The following EML4 variants were observed in gnomAD, a reference collection of about 807,000 sequenced individuals.
EML4 encodes the protein echinoderm microtubule-associated protein-like 4.
In EML4, 72 loss-of-function variants were observed where a neutral mutation model predicts 129.0. The ratio of observed to expected loss-of-function variants is 0.56; its 90% CI spans 0.46 to 0.68. EML4 has a LOEUF of 0.68. Among genes scored for constraint, EML4 ranks in the 30% least tolerant of loss-of-function variants. The probability of loss-of-function intolerance (pLI) is 0.00; values close to 1 mark genes in which losing one functional copy is unlikely to be tolerated. For missense variants in EML4, 1,363 were observed against 1,190.6 expected (o/e 1.14, Z -2.13); for synonymous variants, 532 against 405.0 (o/e 1.31, Z -3.77).
chr2:42,310,466 C>G (rs1425380347), intron 17 of EML4, among the ~76,000 whole-genome samples: 1 of 152,146 alleles, frequency 6.6e-6, no homozygotes, highest in Non-Finnish European at 1.5e-5. Flanking sequence ...ATGCCTCAAC[C>G]TCCCAGGTAG....
At chr2:42,189,018 G>A (rs1671429073) in intron 1 of EML4, among the ~76,000 whole-genome samples, 1 of 152,080 alleles carries the variant, frequency 6.6e-6, no homozygotes, top group African/African-American at 2.4e-5. Context: ...CCCACTTACA[G>A]CTTTTCTGAG....
intron 1 of EML4, among the ~76,000 whole-genome samples, chr2:42,186,996 A>C (rs1671286777): frequency 8.0e-6 from 1 of 125,364 alleles, no homozygotes; most frequent in Non-Finnish European, 1.6e-5. Context: ...GCAACTGCTG[A>C]TCTGCTTTTT....
intron 19 of EML4, among the ~76,000 whole-genome samples, chr2:42,322,196 G>A (rs1669561756): frequency 6.6e-6 from 1 of 152,180 alleles, no homozygotes. Flanking sequence ...AGTAGAGAAA[G>A]AATAGACTTC....
chr2:42,300,821 C>A (rs1366387365), intron 13 of EML4, among the ~76,000 whole-genome samples: 1 of 152,170 alleles, frequency 6.6e-6, no homozygotes, highest in African/African-American at 2.4e-5. Context: ...TATTAGCTAA[C>A]TATGTGGTAT....
chr2:42,308,056 A>T lies in EML4; in HGVS notation c.1967+3505A>T, dbSNP rs546928024. Among the ~76,000 whole-genome samples, 8 of 152,386 alleles carry T rather than the reference A, an allele frequency of 5.2e-5. No individual in the cohort carries two copies. The East Asian group carries it at 1.5e-3, about 29-fold the overall frequency. ...TAATGATGTCTTCATGTCCAGATCT[A>T]GATATCTTCTACTTCATGTAACTAA... On this transcript the variant is annotated intron_variant, in intron 17 of 22. Transcript: ENST00000318522.
intron 1 of EML4, among the ~76,000 whole-genome samples, chr2:42,183,947 G>T (rs1439516012): frequency 1.3e-5 from 2 of 152,132 alleles, no homozygotes; most frequent in African/African-American, 4.8e-5. Flanking sequence ...TGTACCACCA[G>T]GATGAGGTCA....
intron 1 of EML4, among the ~76,000 whole-genome samples, chr2:42,207,258 A>C (rs1672612336): frequency 6.6e-6 from 1 of 152,202 alleles, no homozygotes; most frequent in African/African-American, 2.4e-5. Flanking sequence ...TATATCTTTT[A>C]CTAAAATATA....
intron 5 of EML4, among the ~76,000 whole-genome samples, chr2:42,264,347 G>A (rs555150766): frequency 1.3e-5 from 2 of 151,122 alleles, no homozygotes; most frequent in South Asian, 4.2e-4. Flanking sequence ...TAAACTCCTG[G>A]GCTCAAACAA....
At position 42,331,151 on chromosome 2, in the gene EML4, T is replaced by C. The variant is rs749239004; in HGVS notation, c.*944T>C. 2.7e-5 allele frequency: 6 copies of C among 219,228 alleles called. No individual in the cohort carries two copies. Among genetic ancestry groups the C allele is most frequent in the Non-Finnish European group, 5.5e-5 (6 of 109,134 alleles). 13.6% of individuals were successfully genotyped at this position (219,228 alleles called of 1,614,324 possible). On this transcript the variant is annotated 3_prime_UTR_variant, in exon 23 of 23. Coordinates refer to ENST00000318522, the MANE Select transcript of EML4 (RefSeq NM_019063.5). ...ATATAAATACAGTAAGTTTAGATTA[T>C]TGAATTGGTGCTTGAAATTTATTGG...
intron 1 of EML4, among the ~76,000 whole-genome samples, chr2:42,215,474 TTTCA>T (rs1673131369): frequency 6.6e-6 from 1 of 152,220 alleles, no homozygotes; most frequent in Non-Finnish European, 1.5e-5. Flanking sequence ...TGCAAATTTA[TTTCA>T]TTTTCTCTTG....
chr2:42,197,687 A>C (rs1671975830), intron 1 of EML4, among the ~76,000 whole-genome samples: 1 of 152,168 alleles, frequency 6.6e-6, no homozygotes, highest in Non-Finnish European at 1.5e-5. Context: ...AAAAGCAAAA[A>C]TTTGAGAATG....
At chr2:42,316,406 G>C (rs550513182) in intron 18 of EML4, among the ~76,000 whole-genome samples, 1 of 152,310 alleles carries the variant, frequency 6.6e-6, no homozygotes, top group East Asian at 1.9e-4. Context: ...ATTTATAAGA[G>C]AATGTAAAAG....
chr2:42,282,787 G>A, intron 7 of EML4, 36 bp from the exon 8 acceptor site: 1 of 1,585,388 alleles, frequency 6.3e-7, no homozygotes, highest in South Asian at 1.1e-5. Flanking sequence ...CTTGAAAACT[G>A]TGTTTATTTA....
chr2:42,288,971 G>A (rs1183527045), intron 11 of EML4: 3 of 152,162 alleles, frequency 2.0e-5, no homozygotes, highest in East Asian at 1.9e-4. Flanking sequence ...TAAAAAGTCT[G>A]TGTAATATTT....
At chr2:42,312,476 C>T (rs1260960957) in intron 17 of EML4, among the ~76,000 whole-genome samples, 2 of 152,192 alleles carry the variant, frequency 1.3e-5, no homozygotes, top group Non-Finnish European at 2.9e-5. Flanking sequence ...TTCATCTGCA[C>T]AATAAAACTT....
At chr2:42,286,051 T>G (rs576960642) in intron 9 of EML4, 2 of 607,770 alleles carry the variant, frequency 3.3e-6, no homozygotes, top group Non-Finnish European at 5.9e-6. Context: ...ATAGTATGTG[T>G]AACATAGTAA....
At position 42,169,436 on chromosome 2, in the gene EML4, G is replaced by C. The variant is rs768883665; in HGVS notation, c.-176G>C. ...TCTCAACGTGACGGGGAAGTGGTTC[G>C]GGCGGCCGCGGCTTACTACCCCAGG... On this transcript the variant is annotated 5_prime_UTR_variant, in exon 1 of 23. Coordinates refer to ENST00000318522, the MANE Select transcript of EML4 (RefSeq NM_019063.5). 1.7e-6 allele frequency: 1 copy of C among 574,364 alleles called. No individual in the cohort carries two copies. The highest frequency in any genetic ancestry group is 2.9e-6 in the Non-Finnish European group (1 of 347,476). 35.6% of individuals were successfully genotyped at this position (574,364 alleles called of 1,614,324 possible). A position where few individuals can be genotyped will look rare whatever the true frequency, so the allele number is the denominator to read the frequency against.
intron 6 of EML4, chr2:42,265,031 C>A (rs2104400853): frequency 7.9e-7 from 1 of 1,270,298 alleles, no homozygotes; most frequent in Non-Finnish European, 1.1e-6. Context: ...ATTATTTATG[C>A]TGCCTGACTT....
chr2:42,317,946 G>A (rs1355142382), intron 19 of EML4, among the ~76,000 whole-genome samples: 3 of 152,162 alleles, frequency 2.0e-5, no homozygotes, highest in South Asian at 2.1e-4. Flanking sequence ...ATGGATATTT[G>A]TCTGCATTTA....
Sources: allele counts gnomAD v4.1 joint callset (sites outside exome capture counted in the v4.1 genomes callset), GRCh38; gene constraint gnomAD v4.1.1; transcripts MANE v1.5; gene names NCBI Gene and HGNC (gene_info 2026-07-23, HGNC 2026-07-21).